The following F13A1 variants were observed in gnomAD, a reference collection of about 807,000 sequenced individuals.
F13A1 encodes the protein FSF, A subunit.
A neutral mutation model predicts 80.1 loss-of-function variants in F13A1; 47 were observed. That is an observed-to-expected ratio of 0.59 (90% CI 0.46 to 0.75). F13A1 has a LOEUF of 0.75. Among genes scored for constraint, F13A1 ranks in the 30% least tolerant of loss-of-function variants. F13A1 has a pLI of 0.00. For synonymous variants in F13A1, 349 were observed against 344.9 expected (o/e 1.01, Z -0.13); for missense variants, 817 against 930.4 (o/e 0.88, Z 1.59).
chr6:6,178,607 G>T (rs1760926929), intron 11 of F13A1, among the ~76,000 whole-genome samples: 1 of 152,174 alleles, frequency 6.6e-6, no homozygotes, highest in African/African-American at 2.4e-5. Flanking sequence ...TGGTACATAT[G>T]TGAACATTAA....
intron 4 of F13A1, among the ~76,000 whole-genome samples, chr6:6,263,565 T>G (rs1191202177): frequency 6.6e-6 from 1 of 152,212 alleles, no homozygotes; most frequent in East Asian, 1.9e-4. Flanking sequence ...ACCGTGCCCA[T>G]GTTTACATGT....
chr6:6,284,778 G>A (rs767111826), intron 3 of F13A1, among the ~76,000 whole-genome samples: 19 of 152,158 alleles, frequency 1.2e-4, no homozygotes, highest in Non-Finnish European at 2.6e-4. Context: ...TACATACTTC[G>A]TAGCCCTCTT....
At chr6:6,274,436 T>C (rs1402447422) in intron 3 of F13A1, among the ~76,000 whole-genome samples, 1 of 152,220 alleles carries the variant, frequency 6.6e-6, no homozygotes, top group East Asian at 1.9e-4. Flanking sequence ...TGATGCTGAC[T>C]ACCTGGTCCC....
intron 3 of F13A1, among the ~76,000 whole-genome samples, chr6:6,302,569 G>A (rs1450117437): frequency 6.6e-6 from 1 of 152,120 alleles, no homozygotes; most frequent in East Asian, 1.9e-4. Flanking sequence ...ACCTGCATAG[G>A]ACACTTACCA....
intron 1 of F13A1, 44 bp from the exon 2 acceptor site, chr6:6,318,726 AAGTG>A (rs1758726635): frequency 3.1e-6 from 5 of 1,587,490 alleles, no homozygotes; most frequent in East Asian, 4.5e-5. Flanking sequence ...AAGGCATGTA[AAGTG>A]AGTAACATTT....
chr6:6,180,111 A>G (rs900833811), intron 11 of F13A1, among the ~76,000 whole-genome samples: 1 of 151,312 alleles, frequency 6.6e-6, no homozygotes, highest in African/African-American at 2.4e-5. Flanking sequence ...TTTCTTCACT[A>G]CTCTGTCTGG....
intron 4 of F13A1, among the ~76,000 whole-genome samples, chr6:6,261,310 T>A (rs372684790): frequency 5.1e-4 from 78 of 152,282 alleles, no homozygotes; most frequent in African/African-American, 1.6e-3. Context: ...TCTTTCTTTC[T>A]TCTTAGAGAC....
intron 6 of F13A1, among the ~76,000 whole-genome samples, chr6:6,238,376 C>A (rs1305939885): frequency 6.6e-6 from 1 of 151,984 alleles, no homozygotes; most frequent in Non-Finnish European, 1.5e-5. Flanking sequence ...TCATAGACCA[C>A]AATGTAAAAG....
At chr6:6,310,119 T>C (rs1237579249) in intron 2 of F13A1, among the ~76,000 whole-genome samples, 1 of 152,240 alleles carries the variant, frequency 6.6e-6, no homozygotes, top group Non-Finnish European at 1.5e-5. Flanking sequence ...CAGTCCATCA[T>C]GGCATAGTGC....
At chr6:6,297,221 G>A (rs1758343308) in intron 3 of F13A1, among the ~76,000 whole-genome samples, 1 of 151,782 alleles carries the variant, frequency 6.6e-6, no homozygotes, top group Non-Finnish European at 1.5e-5. Flanking sequence ...TTTTGGTTGT[G>A]TCTCTGCCCG....
intron 8 of F13A1, among the ~76,000 whole-genome samples, chr6:6,201,742 T>C (rs1761398717): frequency 6.6e-6 from 1 of 152,182 alleles, no homozygotes; most frequent in Non-Finnish European, 1.5e-5. Context: ...AGACAGGGTC[T>C]CATGTTGCCC....
At chr6:6,236,674 A>G (rs1757418115) in intron 6 of F13A1, among the ~76,000 whole-genome samples, 1 of 152,116 alleles carries the variant, frequency 6.6e-6, no homozygotes, top group African/African-American at 2.4e-5. Context: ...TAAACCTATC[A>G]TATTCCGTTA....
chr6:6,242,119 CTT>C (rs1757491284), intron 6 of F13A1, among the ~76,000 whole-genome samples: 1 of 152,108 alleles, frequency 6.6e-6, no homozygotes, highest in Admixed American at 6.6e-5. Context: ...GGGAAAATAA[CTT>C]TATTTTCTGT....
chr6:6,176,596 A>T (rs1396188902), intron 11 of F13A1, among the ~76,000 whole-genome samples: 2 of 152,222 alleles, frequency 1.3e-5, no homozygotes, highest in Non-Finnish European at 2.9e-5. Context: ...AGAATGTGCC[A>T]GGAACAGTTG....
At chr6:6,313,766 A>T (rs1010124658) in intron 2 of F13A1, among the ~76,000 whole-genome samples, 3 of 152,214 alleles carry the variant, frequency 2.0e-5, no homozygotes, top group African/African-American at 7.2e-5. Flanking sequence ...AGAATGATTA[A>T]AAGCATTTTC....
rs1760585668 is a variant in F13A1 at position 6,162,121 on chromosome 6, C to T, written c.1908+5337G>A. ...GAGAGCAGAGTTGACAATCATGTTA[C>T]ATTCCCACTCTAGAAACTCCCTTGA... On this transcript the variant is annotated intron_variant, in intron 13 of 14. Coordinates refer to ENST00000264870, the MANE Select transcript of F13A1 (RefSeq NM_000129.4). The surrounding 1 kb of genome is among the most constrained non-coding windows in gnomAD (Gnocchi z 4.2). 6.6e-6 allele frequency among the ~76,000 whole-genome samples: 1 copy of T among 152,172 alleles called. No individual in the cohort carries two copies. The highest frequency in any genetic ancestry group is 2.1e-4 in the South Asian group (1 of 4,822).
At chr6:6,259,375 A>T (rs777002831) in intron 4 of F13A1, among the ~76,000 whole-genome samples, 1 of 152,250 alleles carries the variant, frequency 6.6e-6, no homozygotes, top group African/African-American at 2.4e-5. Context: ...TAATGATAAA[A>T]TACAAGCAGG....
chr6:6,168,344 C>A (rs1356156992), intron 12 of F13A1, among the ~76,000 whole-genome samples: 1 of 152,222 alleles, frequency 6.6e-6, no homozygotes, highest in African/African-American at 2.4e-5. Context: ...GGTCCTGGCT[C>A]CCCTCCAATT....
chr6:6,293,308 C>A (rs916522056), intron 3 of F13A1, among the ~76,000 whole-genome samples: 1 of 152,050 alleles, frequency 6.6e-6, no homozygotes, highest in Non-Finnish European at 1.5e-5. Flanking sequence ...AAAGCAGGGG[C>A]CCATGTCAAA....
Sources: gnomAD v4.1 joint callset for allele counts (sites outside exome capture counted in the v4.1 genomes callset) on GRCh38, gnomAD v4.1.1 for gene constraint, Gnocchi (gnomAD v3.1) non-coding constraint, MANE v1.5 for transcripts, NCBI Gene and HGNC (gene_info 2026-07-23, HGNC 2026-07-21) for gene names.